Variants in PRMT3 observed in about 807,000 individuals in gnomAD.
The protein encoded by PRMT3 is protein arginine N-methyltransferase 3.
PRMT3 carries 62 observed loss-of-function variants against 71.9 expected under a neutral mutation model. The ratio of observed to expected loss-of-function variants is 0.86; its 90% CI spans 0.70 to 1.07. PRMT3 has a LOEUF of 1.07. PRMT3 is among the 50% of genes least tolerant of loss of function. The probability of loss-of-function intolerance (pLI) is 0.00; values close to 1 mark genes in which losing one functional copy is unlikely to be tolerated. For missense variants in PRMT3, 663 were observed against 643.0 expected (o/e 1.03, Z -0.34); for synonymous variants, 213 against 220.4 (o/e 0.97, Z 0.30).
At chr11:20,443,851 T>C (rs1319634080) in intron 10 of PRMT3, among the ~76,000 whole-genome samples, 2 of 152,208 alleles carry the variant, frequency 1.3e-5, no homozygotes. Flanking sequence ...TTTTAAACTT[T>C]AGAATATGCA....
intron 13 of PRMT3, among the ~76,000 whole-genome samples, chr11:20,468,746 G>A (rs1340821924): frequency 3.3e-5 from 5 of 152,126 alleles, no homozygotes; most frequent in East Asian, 3.8e-4. Flanking sequence ...ATTTTACAAA[G>A]TTACAAGATG....
chr11:20,453,375 A>G (rs942996089), intron 11 of PRMT3, among the ~76,000 whole-genome samples: 1 of 150,580 alleles, frequency 6.6e-6, no homozygotes, highest in African/African-American at 2.4e-5. Context: ...GCAGGTGCCT[A>G]TAGTCCCGAC....
At chr11:20,449,654 T>C (rs1850105467) in intron 10 of PRMT3, among the ~76,000 whole-genome samples, 1 of 152,158 alleles carries the variant, frequency 6.6e-6, no homozygotes, top group African/African-American at 2.4e-5. Context: ...TCACAATGAA[T>C]TTTAACGATT....
At chr11:20,504,707 T>TGTGTGTGTGA (rs1332372470) in intron 15 of PRMT3, among the ~76,000 whole-genome samples, 19 of 133,590 alleles carry the variant, frequency 1.4e-4, no homozygotes, top group African/African-American at 5.7e-4. Context: ...TGTGTGTGTG[T>TGTGTGTGTGA]GAGAGAGAGA....
intron 15 of PRMT3, 84 bp downstream of exon 15, chr11:20,494,338 C>T: frequency 8.5e-7 from 1 of 1,176,642 alleles, no homozygotes; most frequent in Non-Finnish European, 1.2e-6. Flanking sequence ...TTTTTATGTG[C>T]ACACTATATT....
chr11:20,500,373 TCA>T (rs1422313500), intron 15 of PRMT3, among the ~76,000 whole-genome samples: 2 of 152,136 alleles, frequency 1.3e-5, no homozygotes, highest in Non-Finnish European at 2.9e-5. Flanking sequence ...AGTCAAAATC[TCA>T]GTTTTGTAGA....
At chr11:20,478,325 AT>A (rs148846432) in intron 13 of PRMT3, among the ~76,000 whole-genome samples, 3,082 of 152,268 alleles carry the variant, frequency 0.02, 118 homozygotes, top group African/African-American at 0.071. Context: ...GGGCCTACAT[AT>A]TTAGAATTTT....
At chr11:20,492,734 G>T (rs1157091152) in intron 13 of PRMT3, among the ~76,000 whole-genome samples, 1 of 152,138 alleles carries the variant, frequency 6.6e-6, no homozygotes, top group African/African-American at 2.4e-5. Flanking sequence ...TCAAAATTAT[G>T]TATTTATCTG....
intron 13 of PRMT3, among the ~76,000 whole-genome samples, chr11:20,472,438 G>A (rs1461105886): frequency 1.3e-5 from 2 of 152,154 alleles, no homozygotes; most frequent in Non-Finnish European, 2.9e-5. Context: ...GGCCTTTTCT[G>A]CATCTATTGA....
Position 20,464,517 on chromosome 11 carries a change from C to G in PRMT3, c.1318C>G (p.Leu440Val), listed in dbSNP as rs3758805. 3.0e-3 allele frequency: 4,850 copies of G among 1,611,986 alleles called. 151 individuals are homozygous for G. In the East Asian group the frequency reaches 0.077, roughly 25 times the overall value. ...TTTGGAATTTTCATCAGATTTTACC[C>G]TGAAAATCACAAGGACATCCATGTG... ...SDLEFSSDFT[L>V]KITRTSMCTA... The change falls in exon 13 of 16, where the codon CTG (leucine) becomes GTG (valine). Residue 440 changes from leucine to valine, a missense_variant. Transcript: ENST00000331079.
In PRMT3 at chr11:20,482,165, C is replaced by T. The variant is rs1025617523; in HGVS notation, c.1348-11754C>T. The stretch of plus-strand genomic sequence containing the variant: ...GCTTGATCCTCTTTTGAAAGCCATG[C>T]TGAAAAATAATGCTTCTGAATTTCT... On this transcript the variant is annotated intron_variant, in intron 13 of 15. Transcript: ENST00000331079. Among the ~76,000 whole-genome samples, 3 of 151,932 alleles carry T rather than the reference C, an allele frequency of 2.0e-5. No individual in the cohort carries two copies. In the East Asian group the frequency reaches 5.8e-4, roughly 29 times the overall value.
chr11:20,502,730 A>G (rs1478138221), intron 15 of PRMT3, among the ~76,000 whole-genome samples: 3 of 152,202 alleles, frequency 2.0e-5, no homozygotes, highest in African/African-American at 7.2e-5. Context: ...TATAAACAAG[A>G]CAGCTTACAT....
chr11:20,496,999 T>C (rs1851348932), intron 15 of PRMT3, among the ~76,000 whole-genome samples: 2 of 152,232 alleles, frequency 1.3e-5, no homozygotes, highest in Non-Finnish European at 2.9e-5. Flanking sequence ...TTTTTGTTTT[T>C]CTGTAGCTCT....
At chr11:20,416,527 A>G (rs1473698941) in intron 9 of PRMT3, among the ~76,000 whole-genome samples, 1 of 152,164 alleles carries the variant, frequency 6.6e-6, no homozygotes, top group Non-Finnish European at 1.5e-5. Flanking sequence ...GTAAGTACTT[A>G]TTCAATGAAT....
chr11:20,388,224 C>A, intron 2 of PRMT3, 70 bp downstream of exon 2: 1 of 1,598,206 alleles, frequency 6.3e-7, no homozygotes, highest in Non-Finnish European at 8.6e-7. Flanking sequence ...TGCCCAGGAA[C>A]GCCTTCGGGC....
intron 13 of PRMT3, among the ~76,000 whole-genome samples, chr11:20,473,435 G>C (rs1379652601): frequency 2.0e-5 from 3 of 151,936 alleles, no homozygotes; most frequent in Non-Finnish European, 4.4e-5. Context: ...TTGTCTCTTT[G>C]TTCTCATTAG....
rs776508007 is a variant in PRMT3 at position 20,407,913 on chromosome 11, A to G, written c.774A>G (p.Val258=). ...TGGTTTTTTCTTAATTACCCTAGGT[A>G]GTTTTGGATGTTGGGTGTGGAACTG... The part of the protein sequence containing the change: ...YQNPHIFKDK[V]VLDVGCGTGI... The change falls in exon 9 of 16, where the codon GTA becomes GTG. Residue 258 remains valine, a splice_region_variant and synonymous_variant. Coordinates refer to ENST00000331079, the MANE Select transcript of PRMT3 (RefSeq NM_005788.4). 1 of 1,607,524 alleles carries G rather than the reference A, an allele frequency of 6.2e-7. No individual in the cohort carries two copies. Among genetic ancestry groups the G allele is most frequent in the South Asian group, 1.1e-5 (1 of 90,178 alleles).
chr11:20,441,141 A>G (rs922652249), intron 10 of PRMT3, among the ~76,000 whole-genome samples: 1 of 151,966 alleles, frequency 6.6e-6, no homozygotes, highest in Non-Finnish European at 1.5e-5. Flanking sequence ...TTCTGGTACT[A>G]GAAGATATTT....
chr11:20,388,005 T>C lies in PRMT3; in HGVS notation c.29-14T>C, dbSNP rs1168605133. 6.2e-7 allele frequency: 1 copy of C among 1,613,306 alleles called. No homozygotes were observed. The highest frequency in any genetic ancestry group is 1.3e-5 in the African/African-American group (1 of 74,852). On this transcript the variant is annotated splice_polypyrimidine_tract_variant and intron_variant, in intron 1 of 15. Coordinates refer to ENST00000331079, the MANE Select transcript of PRMT3 (RefSeq NM_005788.4). ...GTGTCCGAGGCCGATCTGATTGTTG[T>C]GTGTGTGTGTTAGGCGGCCGGGGCG...
Sources: allele counts gnomAD v4.1 joint callset (sites outside exome capture counted in the v4.1 genomes callset), GRCh38; gene constraint gnomAD v4.1.1; transcripts MANE v1.5; gene names NCBI Gene and HGNC (gene_info 2026-07-23, HGNC 2026-07-21).